GALR1: variants seen among roughly 807,000 people sequenced by gnomAD.
The protein encoded by GALR1 is galanin receptor 1.
A neutral mutation model predicts 17.9 loss-of-function variants in GALR1; 11 were observed. That is an observed-to-expected ratio of 0.62 (90% CI 0.39 to 1.02). The LOEUF is 1.02. Among genes scored for constraint, GALR1 ranks in the 50% least tolerant of loss-of-function variants. GALR1 has a pLI of 0.01. For missense variants in GALR1, 441 were observed against 456.9 expected (o/e 0.97, Z 0.32); for synonymous variants, 206 against 205.7 (o/e 1.00, Z -0.01).
rs1913160074 is a variant in GALR1, at chr18:77,276,462, A to T, written c.*7560A>T. On this transcript the variant is annotated 3_prime_UTR_variant, in exon 3 of 3. Transcript: ENST00000299727. ...GCTCTGGCCTTACCTTAGATCAGAG[A>T]TTCTTATATTTTATCAAGCATCAGA... The T allele has an allele frequency of 6.6e-6, 1 of 152,176 alleles. No individual in the cohort carries two copies. The highest frequency in any genetic ancestry group is 6.5e-5 in the Admixed American group (1 of 15,286). 9.4% of individuals were successfully genotyped at this position (152,176 alleles called of 1,614,324 possible).
At position 77,268,865 on chromosome 18, in the gene GALR1, T is replaced by C. The variant is rs757088730; in HGVS notation, c.1013T>C (p.Ile338Thr). 6.2e-7 allele frequency: 1 copy of C among 1,613,350 alleles called. No homozygotes were observed. The stretch of plus-strand genomic sequence containing the variant: ...GATACTAAAGAAAGTAAAAGTCGAA[T>C]AGACACCCCACCATCAACCAATTGT... ...LSDTKESKSRIDTPPSTNCTH... is the reference protein window; with the variant it reads ...LSDTKESKSRTDTPPSTNCTH... Residue 338 changes from isoleucine (I) to threonine (T), a missense_variant, in exon 3 of 3, where the codon ATA becomes ACA. By Grantham distance (89) the Ile-to-Thr change is moderately conservative. Coordinates refer to ENST00000299727, the MANE Select transcript of GALR1 (RefSeq NM_001480.4).
At chr18:77,259,785 G>T (rs1912787879) in intron 2 of GALR1, among the ~76,000 whole-genome samples, 1 of 151,980 alleles carries the variant, frequency 6.6e-6, no homozygotes, top group Non-Finnish European at 1.5e-5. Context: ...TAAGAAGAGG[G>T]TGTGGAAGCA....
At chr18:77,267,091 G>T (rs1425626003) in intron 2 of GALR1, among the ~76,000 whole-genome samples, 2 of 152,256 alleles carry the variant, frequency 1.3e-5, no homozygotes, top group Admixed American at 1.3e-4. Flanking sequence ...CCTATGAGAA[G>T]TAAACTTGCT....
At chr18:77,258,655 T>G (rs1418051979) in intron 2 of GALR1, among the ~76,000 whole-genome samples, 12 of 146,324 alleles carry the variant, frequency 8.2e-5, no homozygotes, top group Non-Finnish European at 1.8e-4. Flanking sequence ...GTGGTCATAG[T>G]GGTGGTGGTG....
At chr18:77,264,424 C>T (rs1218842886) in intron 2 of GALR1, among the ~76,000 whole-genome samples, 3 of 152,074 alleles carry the variant, frequency 2.0e-5, no homozygotes, top group African/African-American at 4.8e-5. Flanking sequence ...TCTTCGTTCC[C>T]CCCAACTTTT....
chr18:77,267,998 CAGCAAAGAAAG>C (rs1912979513), intron 2 of GALR1, among the ~76,000 whole-genome samples: 1 of 152,102 alleles, frequency 6.6e-6, no homozygotes, highest in Admixed American at 6.5e-5. Flanking sequence ...GATTTAGGAG[CAGCAAAGAAAG>C]AGTTAAAATG....
At chr18:77,253,302 G>T (rs558761449) in intron 1 of GALR1, among the ~76,000 whole-genome samples, 1 of 152,338 alleles carries the variant, frequency 6.6e-6, no homozygotes, top group East Asian at 1.9e-4. Context: ...CCCAGATTAT[G>T]AAGCTGGTGA....
At position 77,275,927 on chromosome 18, in the gene GALR1, G is replaced by A. The variant is rs547382161; in HGVS notation, c.*7025G>A. 6.6e-6 allele frequency: 1 copy of A among 152,228 alleles called. No homozygotes were observed. The highest frequency in any genetic ancestry group is 1.9e-4 in the East Asian group (1 of 5,164). 9.4% of individuals were successfully genotyped at this position (152,228 alleles called of 1,614,324 possible). A position where few individuals can be genotyped will look rare whatever the true frequency, so the allele number is the denominator to read the frequency against. On this transcript the variant is annotated 3_prime_UTR_variant, in exon 3 of 3. Transcript: ENST00000299727. ...TCTTAACAGCCTCATGGGGCCTAGA[G>A]GAACTTTTACATGGTAGACACTGAG...
At chr18:77,252,162 G>C (rs1912433471) in intron 1 of GALR1, among the ~76,000 whole-genome samples, 1 of 151,814 alleles carries the variant, frequency 6.6e-6, no homozygotes, top group Admixed American at 6.5e-5. Context: ...GTCCACAAGG[G>C]TTTGAAGACT....
intron 2 of GALR1, among the ~76,000 whole-genome samples, chr18:77,267,090 A>G (rs372460912): frequency 2.6e-5 from 4 of 152,374 alleles, no homozygotes; most frequent in South Asian, 2.1e-4. Context: ...TCCTATGAGA[A>G]GTAAACTTGC....
At chr18:77,258,372 T>G (rs1045360611) in intron 2 of GALR1, among the ~76,000 whole-genome samples, 1 of 152,368 alleles carries the variant, frequency 6.6e-6, no homozygotes, top group South Asian at 2.1e-4. Flanking sequence ...TAACAGCTAC[T>G]GAACAGATGT....
chr18:77,275,938 A>G lies in GALR1; in HGVS notation c.*7036A>G, dbSNP rs923876062. 1.3e-5 allele frequency: 2 copies of G among 152,200 alleles called. No homozygotes were observed. The highest frequency in any genetic ancestry group is 2.4e-5 in the African/African-American group (1 of 41,456). The allele number at this position is 152,200 out of a possible 1,614,324, so 9.4% of individuals were successfully genotyped here. A position where few individuals can be genotyped will look rare whatever the true frequency, so the allele number is the denominator to read the frequency against. ...TCATGGGGCCTAGAGGAACTTTTAC[A>G]TGGTAGACACTGAGTGAATACACAG... On this transcript the variant is annotated 3_prime_UTR_variant, in exon 3 of 3. Coordinates refer to ENST00000299727, the MANE Select transcript of GALR1 (RefSeq NM_001480.4).
intron 2 of GALR1, among the ~76,000 whole-genome samples, chr18:77,259,766 G>A (rs1912787545): frequency 6.6e-6 from 1 of 151,942 alleles, no homozygotes; most frequent in South Asian, 2.1e-4. Context: ...GAGAGGAGCA[G>A]AGAAAGGGTA....
At chr18:77,262,476 C>A (rs540002004) in intron 2 of GALR1, among the ~76,000 whole-genome samples, 8 of 152,292 alleles carry the variant, frequency 5.3e-5, no homozygotes, top group African/African-American at 1.9e-4. Context: ...AGAATGAAGA[C>A]AAAAATCATC....
chr18:77,254,163 C>A (rs1318388620), intron 1 of GALR1, among the ~76,000 whole-genome samples: 1 of 152,156 alleles, frequency 6.6e-6, no homozygotes, highest in Admixed American at 6.5e-5. Flanking sequence ...TGTGCACACT[C>A]AGAAATTTAC....
At chr18:77,266,892 G>A (rs1283990664) in intron 2 of GALR1, among the ~76,000 whole-genome samples, 1 of 152,218 alleles carries the variant, frequency 6.6e-6, no homozygotes, top group Admixed American at 6.5e-5. Context: ...AGAGCTGGGT[G>A]GGGTCACAGC....
rs979256056 is a variant in GALR1 at position 77,250,266 on chromosome 18, G to T, written c.-283G>T. On this transcript the variant is annotated 5_prime_UTR_variant, in exon 1 of 3. Coordinates refer to ENST00000299727, the MANE Select transcript of GALR1 (RefSeq NM_001480.4). The stretch of plus-strand genomic sequence containing the variant: ...GTCGCGCAGCGGGCGGAGGCGCCCG[G>T]GAAGGGGACCCCAGTGCTCTCGAGA... 6.6e-6 allele frequency among the ~76,000 whole-genome samples: 1 copy of T among 152,178 alleles called. No individual in the cohort carries two copies. Among genetic ancestry groups the T allele is most frequent in the Non-Finnish European group, 1.5e-5 (1 of 68,018 alleles).
In GALR1 at chr18:77,264,133, CAAAAAAAAAAAAAAAAAA is replaced by C. The variant is rs56102250; in HGVS notation, c.733-4438_733-4421del. On this transcript the variant is annotated intron_variant, in intron 2 of 2. Transcript: ENST00000299727. Reference sequence around the variant, plus strand: ...TGGGTGACAGAGCGAGACTCCATCTCAAAAAAAAAAAAAAAAAAAAAAAAAAAAAAAGAATCCTTTTGC... The same window carrying C: ...TGGGTGACAGAGCGAGACTCCATCTCAAAAAAAAAAAAAGAATCCTTTTGC... Among the ~76,000 whole-genome samples the C allele has an allele frequency of 7.0e-5, 4 of 57,268 alleles. 1 individual carries two copies. The highest frequency in any genetic ancestry group is 1.1e-3 in the South Asian group (1 of 908). The allele number at this position is 57,268 out of a possible 152,430, so 37.6% of individuals were successfully genotyped here. A position where few individuals can be genotyped will look rare whatever the true frequency, so the allele number is the denominator to read the frequency against.
intron 2 of GALR1, among the ~76,000 whole-genome samples, chr18:77,267,150 A>C (rs2144967141): frequency 1.3e-5 from 2 of 152,344 alleles, no homozygotes; most frequent in Middle Eastern, 6.8e-3. Context: ...AGGCTGGGGA[A>C]GCACTCTGTC....
Sources: allele counts gnomAD v4.1 joint callset (sites outside exome capture counted in the v4.1 genomes callset), GRCh38; gene constraint gnomAD v4.1.1; transcripts MANE v1.5; gene names NCBI Gene and HGNC (gene_info 2026-07-23, HGNC 2026-07-21).